The following MYOF variants were observed in gnomAD, a reference collection of about 807,000 sequenced individuals.
MYOF encodes fer-1-like 3, myoferlin.
MYOF carries 244 observed loss-of-function variants against 284.2 expected under a neutral mutation model. The observed-to-expected ratio is 0.86, with a 90% CI of 0.77 to 0.95. MYOF has a LOEUF of 0.95. Among genes scored for constraint, MYOF ranks in the 40% least tolerant of loss-of-function variants. MYOF has a pLI of 0.00. For missense variants in MYOF, 2,496 were observed against 2,560.6 expected (o/e 0.97, Z 0.54); for synonymous variants, 904 against 919.7 (o/e 0.98, Z 0.31).
chr10:93,405,209 G>A (rs1268001011), intron 7 of MYOF, among the ~76,000 whole-genome samples: 1 of 152,130 alleles, frequency 6.6e-6, no homozygotes, highest in Non-Finnish European at 1.5e-5. Flanking sequence ...TCTCCTAAGA[G>A]CAAGGACATC....
At chr10:93,414,022 G>T (rs145604019) in intron 5 of MYOF, among the ~76,000 whole-genome samples, 223 of 152,180 alleles carry the variant, frequency 1.5e-3, no homozygotes, top group Non-Finnish European at 2.4e-3. Context: ...AGAAAAGAAA[G>T]AAATGTATTC....
chr10:93,335,368 C>T (rs541549621), intron 41 of MYOF, among the ~76,000 whole-genome samples: 6 of 152,182 alleles, frequency 3.9e-5, no homozygotes, highest in African/African-American at 1.2e-4. Flanking sequence ...AAAGGAGTTG[C>T]GACTTGACTG....
At chr10:93,331,539 T>A (rs1438263275) in intron 43 of MYOF, among the ~76,000 whole-genome samples, 1 of 152,232 alleles carries the variant, frequency 6.6e-6, no homozygotes, top group East Asian at 1.9e-4. Flanking sequence ...TGCTTCCCTG[T>A]CTCCCTCACG....
chr10:93,333,553 G>C (rs1336212953), intron 42 of MYOF, among the ~76,000 whole-genome samples: 3 of 152,136 alleles, frequency 2.0e-5, no homozygotes, highest in Non-Finnish European at 2.9e-5. Flanking sequence ...TGTAAAATGA[G>C]AAGGATGAAC....
In MYOF at chr10:93,353,841, G is replaced by C. The variant is rs745733559; in HGVS notation, c.3451C>G (p.Leu1151Val). Residue 1151 changes from leucine (L) to valine (V), a missense_variant, in exon 32 of 54, where the codon CTC becomes GTC. Leu to Val is a conservative substitution (Grantham distance 32). Transcript: ENST00000359263. ...LRCYVYQARNLLALDKDSFSD... is the reference protein window; with the variant it reads ...LRCYVYQARNVLALDKDSFSD... ...AAGCTATCCTTATCTAAAGCCAAGA[G>C]GTTTCTGGCTTGATAGACATAGCAG... 3.7e-6 allele frequency: 6 copies of C among 1,610,220 alleles called. No individual in the cohort carries two copies. The South Asian group carries it at 6.6e-5, about 18-fold the overall frequency.
intron 38 of MYOF, chr10:93,341,814 C>G (rs1221739957): frequency 1.3e-6 from 1 of 794,968 alleles, no homozygotes; most frequent in Admixed American, 3.0e-5. Flanking sequence ...CTTTTCACTC[C>G]AAAATCTACT....
chr10:93,440,889 C>A (rs1006538916), intron 3 of MYOF, among the ~76,000 whole-genome samples: 5 of 152,200 alleles, frequency 3.3e-5, no homozygotes, highest in African/African-American at 1.2e-4. Context: ...CAGATACCAA[C>A]AGGATTGCAG....
chr10:93,389,275 A>T, intron 17 of MYOF, 121 bp from the exon 18 acceptor site: 1 of 1,156,088 alleles, frequency 8.6e-7, no homozygotes, highest in Non-Finnish European at 1.2e-6. Context: ...TAGTTGTATT[A>T]ATGCAAGTTG....
At chr10:93,390,342 G>C (rs781255105) in intron 17 of MYOF, among the ~76,000 whole-genome samples, 6 of 152,268 alleles carry the variant, frequency 3.9e-5, no homozygotes, top group Non-Finnish European at 7.4e-5. Flanking sequence ...GAAAAGAGCT[G>C]AATAGCAATC....
chr10:93,333,336 G>A, intron 42 of MYOF, 24 bp from the exon 43 acceptor site: 5 of 1,594,104 alleles, frequency 3.1e-6, no homozygotes, highest in African/African-American at 1.3e-5. Flanking sequence ...TAGACGGGAT[G>A]TTACATCATT....
chr10:93,392,815 A>C lies in MYOF; in HGVS notation c.1456+102T>G, dbSNP rs41314487. On this transcript the variant is annotated intron_variant, in intron 17 of 53. Transcript: ENST00000359263. Reference sequence around the variant, plus strand: ...TACTTTAGCAAAACTATGTTGAGACAGCAAAATGTCAAAAAAAAGTTCTAA... The same window carrying C: ...TACTTTAGCAAAACTATGTTGAGACCGCAAAATGTCAAAAAAAAGTTCTAA... 9.4e-3 allele frequency: 10,218 copies of C among 1,091,074 alleles called. 63 individuals carry two copies. Among genetic ancestry groups the C allele is most frequent in the Middle Eastern group, 0.013 (50 of 3,752 alleles). The allele number at this position is 1,091,074 out of a possible 1,614,324, so 67.6% of individuals were successfully genotyped here.
At chr10:93,329,508 G>A (rs1326324234) in intron 44 of MYOF, among the ~76,000 whole-genome samples, 156 bp downstream of exon 44, 5 of 151,712 alleles carry the variant, frequency 3.3e-5, no homozygotes, top group African/African-American at 9.7e-5. Flanking sequence ...GAGGTGGCCC[G>A]GAGATTCCCT....
chr10:93,352,756 G>A (rs1224783706), intron 32 of MYOF, among the ~76,000 whole-genome samples: 2 of 152,170 alleles, frequency 1.3e-5, no homozygotes, highest in Non-Finnish European at 1.5e-5. Flanking sequence ...TGCAAGGAAT[G>A]TGCTTAGAGT....
Position 93,400,326 on chromosome 10 carries a change from CT to C in MYOF, c.1118-832del, listed in dbSNP as rs112023989. 1.0e-3 allele frequency among the ~76,000 whole-genome samples: 70 copies of C among 67,084 alleles called. 4 individuals carry two copies. Among genetic ancestry groups the C allele is most frequent in the African/African-American group, 2.8e-3 (69 of 25,000 alleles). 44.0% of individuals were successfully genotyped at this position (67,084 alleles called of 152,430 possible). On this transcript the variant is annotated intron_variant, in intron 12 of 53. Coordinates refer to ENST00000359263, the MANE Select transcript of MYOF (RefSeq NM_013451.4). ...TATGTATTTCTTTCTTCTTCTTCTT[CT>C]TCTTTTTTTTTTTTTTAAATAGAGA... is the stretch of plus-strand genomic sequence containing the variant.
chr10:93,324,258 A>G (rs556824715), intron 46 of MYOF: 1 of 152,354 alleles, frequency 6.6e-6, no homozygotes, highest in East Asian at 1.9e-4. Context: ...TCAGACAAAA[A>G]CAAACTGATC....
rs367983703 is a variant in MYOF, at chr10:93,333,948, T to G, written c.4564-35A>C. On this transcript the variant is annotated intron_variant, in intron 41 of 53. Coordinates refer to ENST00000359263, the MANE Select transcript of MYOF (RefSeq NM_013451.4). ...AGAGACAGAAGGACTCACAGGGCCC[T>G]GGGTGGCCCAGGTAGAGGGCTCCTG... The G allele has an allele frequency of 7.6e-5, 121 of 1,601,676 alleles. No homozygotes were observed. The African/African-American group carries it at 1.5e-3, about 19-fold the overall frequency.
At position 93,323,251 on chromosome 10, in the gene MYOF, C is replaced by A. The variant is rs755458003; in HGVS notation, c.5360+19G>T. ...CCCAGCCCAGTGTATGTATCAGGGT[C>A]TCAGGATGACTGACTTACTTCTTGG... On this transcript the variant is annotated intron_variant, in intron 47 of 53. Transcript: ENST00000359263. 15 of 1,613,818 alleles carry A rather than the reference C, an allele frequency of 9.3e-6. No homozygotes were observed. The highest frequency in any genetic ancestry group is 1.2e-5 in the Non-Finnish European group (14 of 1,179,834).
chr10:93,351,096 G>A, intron 35 of MYOF, 101 bp downstream of exon 35: 2 of 1,289,370 alleles, frequency 1.6e-6, no homozygotes, highest in Admixed American at 3.9e-5. Flanking sequence ...GTTGGAGATA[G>A]CAAGAAAATA....
chr10:93,397,034 T>A (rs1276871055), intron 15 of MYOF, among the ~76,000 whole-genome samples: 1 of 152,188 alleles, frequency 6.6e-6, no homozygotes, highest in Non-Finnish European at 1.5e-5. Flanking sequence ...CCCCTTCTTT[T>A]GTTTATGAGC....
Sources: allele counts gnomAD v4.1 joint callset (sites outside exome capture counted in the v4.1 genomes callset), GRCh38; gene constraint gnomAD v4.1.1; transcripts MANE v1.5; gene names NCBI Gene and HGNC (gene_info 2026-07-23, HGNC 2026-07-21).